The following MAPK8 variants were observed in gnomAD, a reference collection of about 807,000 sequenced individuals.
The protein encoded by MAPK8 is mitogen-activated protein kinase 8.
Under a neutral mutation model 52.9 loss-of-function variants are expected in MAPK8, and 13 were observed. The observed-to-expected ratio is 0.25, with a 90% CI of 0.16 to 0.39. MAPK8 has a LOEUF of 0.39. Among genes scored for constraint, MAPK8 ranks in the 10% least tolerant of loss-of-function variants. The pLI is 1.00. For missense variants in MAPK8, 300 were observed against 519.2 expected, an observed-to-expected ratio of 0.58 and a Z score of 4.10; for synonymous variants, 191 against 169.8, an observed-to-expected ratio of 1.12 and a Z score of -0.97.
chr10:48,405,303 T>C (rs1220851573), intron 3 of MAPK8, among the ~76,000 whole-genome samples: 1 of 152,214 alleles, frequency 6.6e-6, no homozygotes, highest in Non-Finnish European at 1.5e-5. Flanking sequence ...TCCGTCAGGC[T>C]GACATTTAGA....
At chr10:48,414,926 T>C (rs887295361) in intron 5 of MAPK8, among the ~76,000 whole-genome samples, 1 of 152,094 alleles carries the variant, frequency 6.6e-6, no homozygotes, top group African/African-American at 2.4e-5. Flanking sequence ...TACATCTTCC[T>C]TCTGAGTCAT....
At chr10:48,333,168 C>T (rs1844317571) in intron 1 of MAPK8, among the ~76,000 whole-genome samples, 1 of 152,240 alleles carries the variant, frequency 6.6e-6, no homozygotes, top group South Asian at 2.1e-4. Flanking sequence ...GTTCTCCTCT[C>T]CTTTCCCTAG....
At chr10:48,401,914 A>G in intron 2 of MAPK8, 132 bp downstream of exon 2, 1 of 653,204 alleles carries the variant, frequency 1.5e-6, no homozygotes, top group Non-Finnish European at 2.3e-6. Context: ...TTAAACGAAA[A>G]CTATTCCACA....
chr10:48,326,939 TTTTG>T (rs138298526), intron 1 of MAPK8, among the ~76,000 whole-genome samples: 6,129 of 152,232 alleles, frequency 0.04, 187 homozygotes, highest in Middle Eastern at 0.068. Context: ...TAGGAGTGTT[TTTTG>T]TTTGTTTGTT....
intron 5 of MAPK8, among the ~76,000 whole-genome samples, chr10:48,414,157 T>A (rs890050621): frequency 6.6e-6 from 1 of 152,036 alleles, no homozygotes; most frequent in Non-Finnish European, 1.5e-5. Flanking sequence ...TTCATGTACA[T>A]AGAATTATAT....
At chr10:48,372,580 A>G (rs182442840) in intron 1 of MAPK8, among the ~76,000 whole-genome samples, 9 of 152,254 alleles carry the variant, frequency 5.9e-5, no homozygotes, top group Non-Finnish European at 1.2e-4. Context: ...TGAAGCATAC[A>G]CAAGTATCAA....
chr10:48,370,095 A>T (rs972273998), intron 1 of MAPK8, among the ~76,000 whole-genome samples: 2 of 152,144 alleles, frequency 1.3e-5, no homozygotes, highest in Non-Finnish European at 2.9e-5. Context: ...TAATCAGTTG[A>T]GCAAGATCAG....
At chr10:48,349,486 A>G (rs536735419) in intron 1 of MAPK8, among the ~76,000 whole-genome samples, 1 of 152,320 alleles carries the variant, frequency 6.6e-6, no homozygotes, top group African/African-American at 2.4e-5. Flanking sequence ...CCACACAACT[A>G]CATGGAAACC....
At chr10:48,407,684 A>G (rs940486945) in intron 3 of MAPK8, among the ~76,000 whole-genome samples, 11 of 151,898 alleles carry the variant, frequency 7.2e-5, no homozygotes, top group African/African-American at 2.4e-4. Flanking sequence ...ATTCAGTGAT[A>G]TGTGGGACCA....
chr10:48,363,990 AT>A (rs1341336511), intron 1 of MAPK8, among the ~76,000 whole-genome samples: 2 of 152,234 alleles, frequency 1.3e-5, no homozygotes, highest in African/African-American at 4.8e-5. Flanking sequence ...TCAATTGCCA[AT>A]AATCTATTTA....
chr10:48,345,198 A>G (rs556987125), intron 1 of MAPK8, among the ~76,000 whole-genome samples: 15 of 152,346 alleles, frequency 9.8e-5, no homozygotes, highest in Middle Eastern at 3.4e-3. Flanking sequence ...CATAGGAGAT[A>G]CTAAGAGATC....
intron 1 of MAPK8, among the ~76,000 whole-genome samples, chr10:48,334,100 A>G (rs1243422803): frequency 2.6e-5 from 4 of 152,134 alleles, no homozygotes; most frequent in South Asian, 4.1e-4. Context: ...TGACTCATAG[A>G]TGTCAGAGCT....
At chr10:48,383,849 G>C (rs969580413) in intron 1 of MAPK8, among the ~76,000 whole-genome samples, 7 of 152,092 alleles carry the variant, frequency 4.6e-5, no homozygotes, top group African/African-American at 1.4e-4. Context: ...CTAAGTAGTT[G>C]TTAGGTTCTT....
chr10:48,405,347 C>T (rs1237628615), intron 3 of MAPK8, among the ~76,000 whole-genome samples: 1 of 152,028 alleles, frequency 6.6e-6, no homozygotes, highest in Non-Finnish European at 1.5e-5. Flanking sequence ...TGAAATTGTT[C>T]CCATTATGCT....
At chr10:48,404,743 A>T in intron 2 of MAPK8, 109 bp from the exon 3 acceptor site, 1 of 765,490 alleles carries the variant, frequency 1.3e-6, no homozygotes, top group Non-Finnish European at 2.1e-6. Flanking sequence ...GAAGGGATCC[A>T]GTTACTTGTC....
At chr10:48,333,946 A>G (rs1410565261) in intron 1 of MAPK8, among the ~76,000 whole-genome samples, 1 of 151,370 alleles carries the variant, frequency 6.6e-6, no homozygotes, top group Non-Finnish European at 1.5e-5. Context: ...CGCTTCTGCC[A>G]TCTCCACCTC....
intron 1 of MAPK8, among the ~76,000 whole-genome samples, chr10:48,336,190 C>T (rs901717104): frequency 3.9e-5 from 6 of 151,928 alleles, no homozygotes; most frequent in Admixed American, 2.0e-4. Context: ...CACAGATTAT[C>T]AGTATGTGGA....
chr10:48,402,888 A>G (rs901388071), intron 2 of MAPK8, among the ~76,000 whole-genome samples: 1 of 152,194 alleles, frequency 6.6e-6, no homozygotes, highest in Non-Finnish European at 1.5e-5. Flanking sequence ...GTGAAATACT[A>G]TATAACATTT....
intron 1 of MAPK8, among the ~76,000 whole-genome samples, chr10:48,326,131 T>G (rs2132203719): frequency 6.6e-6 from 1 of 152,358 alleles, no homozygotes; most frequent in African/African-American, 2.4e-5. Flanking sequence ...GGGAGTTATG[T>G]CCTGCTTCTT....
Sources: allele counts gnomAD v4.1 joint callset (sites outside exome capture counted in the v4.1 genomes callset), GRCh38; gene constraint gnomAD v4.1.1; transcripts MANE v1.5; gene names NCBI Gene and HGNC (gene_info 2026-07-23, HGNC 2026-07-21).